TNFRSF10C: variants seen among roughly 807,000 people sequenced by gnomAD.
TNFRSF10C encodes the protein TNF receptor superfamily member 10c.
Under a neutral mutation model 16.7 loss-of-function variants are expected in TNFRSF10C, and 17 were observed. That is an observed-to-expected ratio of 1.02 (90% CI 0.70 to 1.53). The LOEUF (loss-of-function observed/expected upper bound fraction) is 1.53. Among genes scored for constraint, TNFRSF10C ranks in the 40% most tolerant of loss-of-function variants. TNFRSF10C has a pLI of 0.00. For synonymous variants in TNFRSF10C, 73 were observed against 119.7 expected (o/e 0.61, Z 2.55); for missense variants, 237 against 329.7 (o/e 0.72, Z 2.18).
chr8:23,103,250 G>A, intron 1 of TNFRSF10C, 69 bp downstream of exon 1: 1 of 1,570,416 alleles, frequency 6.4e-7, no homozygotes, highest in African/African-American at 1.3e-5. Context: ...AGGGAGACGG[G>A]GACACGGCAG....
At chr8:23,113,954 CAAA>C (rs781288895) in intron 2 of TNFRSF10C, among the ~76,000 whole-genome samples, 3 of 82,548 alleles carry the variant, frequency 3.6e-5, no homozygotes. Context: ...GACTCTGTCT[CAAA>C]AAAAAAAAAA....
chr8:23,110,935 A>T (rs549391638), intron 1 of TNFRSF10C, among the ~76,000 whole-genome samples: 1 of 152,212 alleles, frequency 6.6e-6, no homozygotes, highest in Non-Finnish European at 1.5e-5. Flanking sequence ...GTGGTTTTTT[A>T]AAATTCTTAT....
intron 1 of TNFRSF10C, 51 bp from the exon 2 acceptor site, chr8:23,111,669 A>G (rs1327920073): frequency 7.2e-7 from 1 of 1,398,058 alleles, no homozygotes; most frequent in Admixed American, 1.7e-5. Flanking sequence ...GGAGCCTGGG[A>G]GGGGTGAGGT....
At chr8:23,103,759 C>A (rs891850787) in intron 1 of TNFRSF10C, among the ~76,000 whole-genome samples, 16 of 152,180 alleles carry the variant, frequency 1.1e-4, no homozygotes, top group African/African-American at 3.9e-4. Context: ...AGGACCGGGG[C>A]TGGCCCCTTC....
rs1010555544 is a variant in TNFRSF10C at position 23,111,823 on chromosome 8, C to G, written c.164C>G (p.Ala55Gly). 8.1e-6 allele frequency: 13 copies of G among 1,613,558 alleles called. No homozygotes were observed. Among genetic ancestry groups the G allele is most frequent in the Non-Finnish European group, 1.1e-5 (13 of 1,179,626 alleles). Residue 55 changes from alanine to glycine, a missense_variant and splice_region_variant, in exon 2 of 5, where the codon GCA becomes GGA. Ala to Gly is a moderately conservative substitution (Grantham distance 60). Transcript: ENST00000356864. ...AGCTTCAAGGGGGAGGAGTGTCCAG[C>G]AGGTGCACTCTTATTTTTAAAAATC... ...RHSFKGEECP[A>G]GSHRSEHTGA...
chr8:23,106,428 A>ATTT (rs61058025), intron 1 of TNFRSF10C, among the ~76,000 whole-genome samples: 231 of 130,018 alleles, frequency 1.8e-3, no homozygotes, highest in Middle Eastern at 4.1e-3. Flanking sequence ...CCCCCACCCG[A>ATTT]TTTTTTTTTT....
intron 1 of TNFRSF10C, 116 bp downstream of exon 1, chr8:23,103,297 C>A: frequency 6.6e-7 from 1 of 1,514,924 alleles, no homozygotes. Context: ...CCGGGCATGT[C>A]CGGGCAGGAC....
At chr8:23,109,690 A>C (rs1416656635) in intron 1 of TNFRSF10C, among the ~76,000 whole-genome samples, 1 of 152,150 alleles carries the variant, frequency 6.6e-6, no homozygotes, top group Non-Finnish European at 1.5e-5. Flanking sequence ...TACATTAATC[A>C]ATCATAAAAT....
intron 1 of TNFRSF10C, among the ~76,000 whole-genome samples, chr8:23,106,413 A>G (rs1223309171): frequency 6.9e-6 from 1 of 145,654 alleles, no homozygotes; most frequent in Non-Finnish European, 1.5e-5. Flanking sequence ...TCTCCTTTAG[A>G]TGCCCCCCCA....
intron 1 of TNFRSF10C, among the ~76,000 whole-genome samples, chr8:23,107,647 GTAAT>G (rs1478440004): frequency 6.6e-6 from 1 of 152,160 alleles, no homozygotes; most frequent in Non-Finnish European, 1.5e-5. Flanking sequence ...ATTCTAAAAG[GTAAT>G]TAACATTAAA....
rs56263402 is a variant in TNFRSF10C at position 23,110,069 on chromosome 8, C to CAAAAAAAAAAAAAAAAAAA, written c.61-1643_61-1625dup. ...GGAGGACAGAGGGAGACCCTGTCTC[C>CAAAAAAAAAAAAAAAAAAA]AAAAAAAAAAAAAAAAAAAAAAAAA... On this transcript the variant is annotated intron_variant, in intron 1 of 4. Transcript: ENST00000356864. 6.3e-4 allele frequency among the ~76,000 whole-genome samples: 25 copies of CAAAAAAAAAAAAAAAAAAA among 39,650 alleles called. 3 individuals carry two copies. The highest frequency in any genetic ancestry group is 2.3e-3 in the African/African-American group (18 of 7,876). The allele number at this position is 39,650 out of a possible 152,430, so 26.0% of individuals were successfully genotyped here.
At chr8:23,115,670 A>G (rs1245264338) in intron 4 of TNFRSF10C, 54 bp downstream of exon 4, 21 of 1,440,074 alleles carry the variant, frequency 1.5e-5, no homozygotes, top group Non-Finnish European at 1.9e-5. Context: ...AGAAGACCTG[A>G]GTCACCTGGT....
chr8:23,115,645 G>C, intron 4 of TNFRSF10C, 29 bp downstream of exon 4: 1 of 1,591,728 alleles, frequency 6.3e-7, no homozygotes, highest in Non-Finnish European at 8.6e-7. Context: ...GCTCCTGACA[G>C]CTTTCAGGAA....
chr8:23,107,318 G>T (rs1813797181), intron 1 of TNFRSF10C, among the ~76,000 whole-genome samples: 1 of 152,198 alleles, frequency 6.6e-6, no homozygotes, highest in South Asian at 2.1e-4. Flanking sequence ...ACAAAAAGCA[G>T]AATTATTGCT....
chr8:23,115,419 T>A, intron 3 of TNFRSF10C, 89 bp from the exon 4 acceptor site: 2 of 1,126,398 alleles, frequency 1.8e-6, no homozygotes, highest in Non-Finnish European at 2.6e-6. Flanking sequence ...GTGAACTTGG[T>A]TGAGCTGAGT....
chr8:23,103,462 A>T (rs1813710123), intron 1 of TNFRSF10C: 1 of 584,238 alleles, frequency 1.7e-6, no homozygotes. Context: ...TCAAGGTGGA[A>T]CCCATAGAGT....
At chr8:23,116,214 C>A (rs1813979852) in intron 4 of TNFRSF10C, among the ~76,000 whole-genome samples, 1 of 152,218 alleles carries the variant, frequency 6.6e-6, no homozygotes, top group South Asian at 2.1e-4. Flanking sequence ...GTAATTTGTT[C>A]TTCTCTGGCC....
At chr8:23,105,363 G>A (rs1813756777) in intron 1 of TNFRSF10C, among the ~76,000 whole-genome samples, 1 of 152,196 alleles carries the variant, frequency 6.6e-6, no homozygotes, top group African/African-American at 2.4e-5. Context: ...CCAGGCACCT[G>A]TCCTCCATCC....
At chr8:23,116,134 C>A (rs898304490) in intron 4 of TNFRSF10C, among the ~76,000 whole-genome samples, 1 of 152,074 alleles carries the variant, frequency 6.6e-6, no homozygotes, top group Non-Finnish European at 1.5e-5. Flanking sequence ...CCAATCCAGC[C>A]GGCCTCACCC....
Sources: allele counts gnomAD v4.1 joint callset (sites outside exome capture counted in the v4.1 genomes callset), GRCh38; gene constraint gnomAD v4.1.1; transcripts MANE v1.5; gene names NCBI Gene and HGNC (gene_info 2026-07-23, HGNC 2026-07-21).